Variants in TUT4 observed in about 807,000 individuals in gnomAD.
The protein encoded by TUT4 is terminal uridylyltransferase 4.
A neutral mutation model predicts 192.2 loss-of-function variants in TUT4; 36 were observed. The ratio of observed to expected loss-of-function variants is 0.19; its 90% CI spans 0.14 to 0.25. The LOEUF (loss-of-function observed/expected upper bound fraction) is 0.25. Ranked by LOEUF, TUT4 falls within the 10% of genes least tolerant of loss-of-function variation. TUT4 has a pLI of 1.00. For missense variants in TUT4, 1,493 were observed against 1,957.2 expected (o/e 0.76, Z 4.47); for synonymous variants, 618 against 666.0 (o/e 0.93, Z 1.11).
At chr1:52,458,675 T>TACAA (rs944823219) in intron 19 of TUT4, among the ~76,000 whole-genome samples, 7 of 151,854 alleles carry the variant, frequency 4.6e-5, no homozygotes, top group Non-Finnish European at 7.4e-5. Context: ...GACCCCATCT[T>TACAA]ACAAACAAAC....
intron 27 of TUT4, chr1:52,433,768 T>C (rs1652862690): frequency 6.6e-6 from 1 of 152,194 alleles, no homozygotes; most frequent in African/African-American, 2.4e-5. Context: ...TCTTTACCTA[T>C]AAAATATAAT....
chr1:52,435,509 A>T (rs765358937), intron 26 of TUT4, 44 bp from the exon 27 acceptor site: 3 of 1,453,402 alleles, frequency 2.1e-6, no homozygotes, highest in Non-Finnish European at 2.9e-6. Context: ...TAAGGAAAGT[A>T]GCAGAGAAAT....
intron 26 of TUT4, among the ~76,000 whole-genome samples, chr1:52,436,228 G>A (rs1174359122): frequency 2.0e-5 from 3 of 152,220 alleles, no homozygotes; most frequent in Non-Finnish European, 2.9e-5. Flanking sequence ...GCTCACGCCT[G>A]TAATCCCAGC....
chr1:52,445,663 G>T, intron 24 of TUT4, 124 bp downstream of exon 24: 1 of 721,622 alleles, frequency 1.4e-6, no homozygotes, highest in Non-Finnish European at 2.3e-6. Context: ...AATGCAATAA[G>T]AAAAAATATA....
At chr1:52,433,834 T>C (rs541284752) in intron 27 of TUT4, 3 of 152,282 alleles carry the variant, frequency 2.0e-5, no homozygotes, top group South Asian at 2.1e-4. Flanking sequence ...GTGGAACATA[T>C]AACCACCAAG....
chr1:52,498,524 G>A (rs994550134), intron 4 of TUT4, among the ~76,000 whole-genome samples: 14 of 151,890 alleles, frequency 9.2e-5, no homozygotes, highest in African/African-American at 2.4e-4. Context: ...GATTACAGGC[G>A]TGAGCCACAG....
chr1:52,446,141 C>A lies in TUT4; in HGVS notation c.3691+124G>T, dbSNP rs939118747. 19 of 1,307,926 alleles carry A rather than the reference C, an allele frequency of 1.5e-5. No individual in the cohort carries two copies. In the Admixed American group the frequency reaches 4.3e-4, roughly 29 times the overall value. The allele number at this position is 1,307,926 out of a possible 1,614,324, so 81.0% of individuals were successfully genotyped here. A position where few individuals can be genotyped will look rare whatever the true frequency, so the allele number is the denominator to read the frequency against. On this transcript the variant is annotated intron_variant, in intron 22 of 29. Transcript: ENST00000257177. ...AGCAAACTCTTCCTCTAAAATTACA[C>A]ATTAAAGGAGGAAAACTGATAAAAG...
At chr1:52,524,734 C>T (rs970692432) in intron 2 of TUT4, among the ~76,000 whole-genome samples, 4 of 151,804 alleles carry the variant, frequency 2.6e-5, no homozygotes, top group South Asian at 2.1e-4. Context: ...ACCTGGGAGG[C>T]GGAGGTTGCA....
intron 20 of TUT4, among the ~76,000 whole-genome samples, chr1:52,450,564 A>G (rs1481948669): frequency 6.6e-6 from 1 of 152,084 alleles, no homozygotes; most frequent in African/African-American, 2.4e-5. Flanking sequence ...AATAGTAAAA[A>G]TAATAATAAA....
At chr1:52,479,295 A>G (rs1570751532) in intron 11 of TUT4, among the ~76,000 whole-genome samples, 1 of 152,188 alleles carries the variant, frequency 6.6e-6, no homozygotes, top group Admixed American at 6.5e-5. Flanking sequence ...GTGTGGCGAG[A>G]GGGAAGGGCA....
At chr1:52,463,363 A>T in intron 16 of TUT4, 5 of 997,084 alleles carry the variant, frequency 5.0e-6, no homozygotes, top group Non-Finnish European at 6.0e-6. Context: ...CAAATAAAAT[A>T]CTTGCAACTT....
At position 52,446,219 on chromosome 1, in the gene TUT4, G is replaced by T; in HGVS notation, c.3691+46C>A. 6 of 1,557,862 alleles carry T rather than the reference G, an allele frequency of 3.9e-6. No homozygotes were observed. In the South Asian group the frequency reaches 7.3e-5, roughly 19 times the overall value. On this transcript the variant is annotated intron_variant, in intron 22 of 29. Coordinates refer to ENST00000257177, the MANE Select transcript of TUT4 (RefSeq NM_001009881.3). ...TTTCAGTTTTCCCCTCAATTTCGTT[G>T]ACCAAATTTTGGTTGCTCCTGAATT...
chr1:52,531,184 C>T (rs1398374794), intron 1 of TUT4, among the ~76,000 whole-genome samples: 1 of 151,534 alleles, frequency 6.6e-6, no homozygotes, highest in African/African-American at 2.4e-5. Flanking sequence ...AAATTCTAAC[C>T]TTAAATAACC....
intron 4 of TUT4, among the ~76,000 whole-genome samples, chr1:52,501,483 A>T (rs982680494): frequency 3.9e-5 from 6 of 152,236 alleles, no homozygotes; most frequent in South Asian, 4.1e-4. Context: ...GAATGTGGAG[A>T]ATTTGGAACC....
intron 4 of TUT4, among the ~76,000 whole-genome samples, chr1:52,507,982 T>C (rs1676083597): frequency 6.6e-6 from 1 of 151,978 alleles, no homozygotes; most frequent in Non-Finnish European, 1.5e-5. Context: ...AGCTAATTTT[T>C]ATGTATTTTT....
intron 29 of TUT4, 169 bp from the exon 30 acceptor site, chr1:52,424,171 G>A: frequency 1.6e-6 from 1 of 631,672 alleles, no homozygotes; most frequent in Non-Finnish European, 2.7e-6. Flanking sequence ...AAGAAGGGAA[G>A]GAAATACCTG....
Position 52,436,857 on chromosome 1 carries a change from C to A in TUT4, c.4060G>T (p.Asp1354Tyr), listed in dbSNP as rs758115885. 4 of 1,613,962 alleles carry A rather than the reference C, an allele frequency of 2.5e-6. No homozygotes were observed. The highest frequency in any genetic ancestry group is 3.4e-6 in the Non-Finnish European group (4 of 1,180,002). Residue 1354 changes from aspartate (D) to tyrosine (Y), a missense_variant, in exon 26 of 30, where the codon GAC becomes TAC. Transcript: ENST00000257177. ...ATAAAACATCTGAGGTCTCTCGGGTCTCTAAAGTCTCGAGTATCGTGGAGG... is the reference window on the plus strand; with the variant it reads ...ATAAAACATCTGAGGTCTCTCGGGTATCTAAAGTCTCGAGTATCGTGGAGG... ...RDLHDTRDFR[D>Y]PRDLRCFICG... is the part of the protein sequence containing the mutation.
At chr1:52,496,957 AG>A (rs775367172) in intron 5 of TUT4, 48 bp downstream of exon 5, 1 of 1,556,762 alleles carries the variant, frequency 6.4e-7, no homozygotes, top group Non-Finnish European at 8.8e-7. Flanking sequence ...AAGAGGAGCA[AG>A]GGAAGAGTTT....
intron 1 of TUT4, among the ~76,000 whole-genome samples, chr1:52,547,002 G>C (rs536221137): frequency 2.6e-5 from 4 of 151,592 alleles, no homozygotes; most frequent in East Asian, 1.9e-4. Context: ...AAATTAGCTG[G>C]GCATGGTGGC....
Sources: allele counts gnomAD v4.1 joint callset (sites outside exome capture counted in the v4.1 genomes callset), GRCh38; gene constraint gnomAD v4.1.1; transcripts MANE v1.5; gene names NCBI Gene and HGNC (gene_info 2026-07-23, HGNC 2026-07-21).